Variants in UBA3 observed in about 807,000 individuals in gnomAD.
UBA3 encodes NEDD8-activating enzyme E1 catalytic subunit.
In UBA3, 26 loss-of-function variants were observed where a neutral mutation model predicts 73.5. That is an observed-to-expected ratio of 0.35 (90% CI 0.26 to 0.49). The LOEUF (loss-of-function observed/expected upper bound fraction) is 0.49, where lower values mean the gene tolerates loss of function less well. Among genes scored for constraint, UBA3 ranks in the 20% least tolerant of loss-of-function variants. The pLI, the probability that UBA3 is intolerant of heterozygous loss-of-function variation, is 0.98. For missense variants in UBA3, 495 were observed against 555.6 expected (o/e 0.89, Z 1.10); for synonymous variants, 217 against 191.2 (o/e 1.13, Z -1.11).
chr3:69,076,703 T>C (rs541454635), intron 3 of UBA3, among the ~76,000 whole-genome samples: 1 of 152,024 alleles, frequency 6.6e-6, no homozygotes, highest in East Asian at 1.9e-4. Context: ...CCTGAGTAGC[T>C]GAAACCAAAG....
Position 69,055,525 on chromosome 3 carries a change from T to G in UBA3, c.1304A>C (p.Glu435Ala). 1 of 1,579,246 alleles carries G rather than the reference T, an allele frequency of 6.3e-7. No homozygotes were observed. Among genetic ancestry groups the G allele is most frequent in the Non-Finnish European group, 8.5e-7 (1 of 1,170,146 alleles). Residue 435 changes from glutamate (E) to alanine (A), a missense_variant and splice_region_variant, in exon 18 of 18, where the codon GAA becomes GCA. By Grantham distance (107) the Glu-to-Ala change is moderately radical (BLOSUM62 -1). Coordinates refer to ENST00000361055, the MANE Select transcript of UBA3 (RefSeq NM_003968.4). ...TTCTTGTCCATCAACAAGCCCCAAT[T>G]CTAAAACAGAAAAAATATTATTAAT... ...TRPNLSKTLK[E>A]LGLVDGQELA...
chr3:69,061,970 G>T (rs1281180030), intron 10 of UBA3, 43 bp from the exon 11 acceptor site: 4 of 1,448,486 alleles, frequency 2.8e-6, no homozygotes, highest in South Asian at 1.2e-5. Context: ...AGAGAAGACA[G>T]GAATACGTAA....
Position 69,061,762 on chromosome 3 carries a change from C to T in UBA3, c.910+52G>A, listed in dbSNP as rs937397169. ...TTATCGATTATTCTCCTGAAAGCAT[C>T]CCAGCCCTAAGTCATCCCAACATCA... On this transcript the variant is annotated intron_variant, in intron 11 of 17. Coordinates refer to ENST00000361055, the MANE Select transcript of UBA3 (RefSeq NM_003968.4). The T allele has an allele frequency of 3.1e-4, 380 of 1,224,052 alleles. No homozygotes were observed. The Middle Eastern group carries it at 3.3e-3, about 11-fold the overall frequency. The allele number at this position is 1,224,052 out of a possible 1,614,324, so 75.8% of individuals were successfully genotyped here. A position where few individuals can be genotyped will look rare whatever the true frequency, so the allele number is the denominator to read the frequency against.
At chr3:69,063,260 A>G (rs1371037994) in intron 8 of UBA3, 123 bp from the exon 9 acceptor site, 1 of 1,337,452 alleles carries the variant, frequency 7.5e-7, no homozygotes, top group Non-Finnish European at 1.0e-6. Context: ...AAATCAAGGG[A>G]TTATAATAAC....
At chr3:69,078,079 T>C (rs1297547050) in intron 2 of UBA3, among the ~76,000 whole-genome samples, 161 bp from the exon 3 acceptor site, 1 of 152,270 alleles carries the variant, frequency 6.6e-6, no homozygotes, top group African/African-American at 2.4e-5. Flanking sequence ...AAATTTTTTC[T>C]TGCCTATTAT....
intron 2 of UBA3, among the ~76,000 whole-genome samples, chr3:69,078,323 A>G (rs1429846242): frequency 6.6e-6 from 1 of 152,222 alleles, no homozygotes; most frequent in Non-Finnish European, 1.5e-5. Flanking sequence ...GAGATACAAC[A>G]GAGAAAAAAA....
At chr3:69,063,755 G>A (rs1222862380) in intron 7 of UBA3, among the ~76,000 whole-genome samples, 2 of 151,708 alleles carry the variant, frequency 1.3e-5, no homozygotes, top group Non-Finnish European at 2.9e-5. Context: ...AGCACTTGCA[G>A]AAAACAATTT....
intron 4 of UBA3, among the ~76,000 whole-genome samples, chr3:69,072,683 C>T (rs1169977322): frequency 6.6e-6 from 1 of 152,210 alleles, no homozygotes; most frequent in Non-Finnish European, 1.5e-5. Flanking sequence ...TTCTGGTGAT[C>T]TCAGACCATC....
intron 9 of UBA3, 51 bp downstream of exon 9, chr3:69,062,931 T>C (rs2092034087): frequency 1.3e-6 from 2 of 1,598,930 alleles, no homozygotes; most frequent in Admixed American, 1.7e-5. Context: ...AATTAATCCC[T>C]AATTCCATGC....
At chr3:69,056,758 A>T (rs1476306328) in intron 13 of UBA3, 21 bp downstream of exon 13, 1 of 1,612,352 alleles carries the variant, frequency 6.2e-7, no homozygotes. Context: ...TTACATGCAT[A>T]TTAAAAATGA....
intron 2 of UBA3, among the ~76,000 whole-genome samples, chr3:69,078,919 C>A (rs1267858070): frequency 6.6e-6 from 1 of 152,184 alleles, no homozygotes; most frequent in Non-Finnish European, 1.5e-5. Flanking sequence ...GACTCCTCTA[C>A]AAAATTCATC....
At chr3:69,056,581 T>C (rs375580256) in intron 14 of UBA3, 31 bp downstream of exon 14, 30 of 1,535,280 alleles carry the variant, frequency 2.0e-5, no homozygotes, top group Middle Eastern at 1.7e-4. Context: ...AAAATATGCA[T>C]GATCAAAAAT....
intron 8 of UBA3, 142 bp downstream of exon 8, chr3:69,063,297 T>A: frequency 8.1e-7 from 1 of 1,241,594 alleles, no homozygotes; most frequent in South Asian, 1.4e-5. Context: ...TGAAAACCAA[T>A]GACTGGCAAT....
chr3:69,070,495 G>C (rs1484457664), intron 5 of UBA3, among the ~76,000 whole-genome samples: 1 of 151,358 alleles, frequency 6.6e-6, no homozygotes, highest in African/African-American at 2.4e-5. Context: ...CCTAAATAGA[G>C]AGAGAAAAAA....
intron 4 of UBA3, among the ~76,000 whole-genome samples, chr3:69,074,294 A>T (rs1470549367): frequency 6.6e-6 from 1 of 152,168 alleles, no homozygotes; most frequent in Non-Finnish European, 1.5e-5. Flanking sequence ...CTGCTAGAGT[A>T]TTTATGTTTG....
intron 11 of UBA3, among the ~76,000 whole-genome samples, chr3:69,060,720 G>A (rs2092014471): frequency 6.6e-6 from 1 of 151,986 alleles, no homozygotes; most frequent in Non-Finnish European, 1.5e-5. Flanking sequence ...TTGGAGGTGA[G>A]GCCTAGTGGG....
Position 69,056,875 on chromosome 3 carries a change from C to A in UBA3, c.965-60G>T. ...AATGGAAATTAGGCATGTTAAAAGT[C>A]AGTTATAAATCAGAACAGATAAATT... On this transcript the variant is annotated intron_variant, in intron 12 of 17. Coordinates refer to ENST00000361055, the MANE Select transcript of UBA3 (RefSeq NM_003968.4). 3.2e-6 allele frequency: 5 copies of A among 1,551,758 alleles called. No homozygotes were observed. In the South Asian group the frequency reaches 5.9e-5, roughly 18 times the overall value.
rs748227430 is a variant in UBA3, at chr3:69,055,897, G to T, written c.1257C>A (p.Thr419=). Residue 419 remains threonine (T), a synonymous_variant, in exon 17 of 18, where the codon ACC becomes ACA. Transcript: ENST00000361055. ...KNRTLYLQSV[T]SIEERTRPNL... is the part of the protein sequence containing the mutation. ...TTGGCCTTGTTCGTTCTTCAATAGAGGTTACCGACTAGAAAACAAAATTAC... is the reference window on the plus strand; with the variant it reads ...TTGGCCTTGTTCGTTCTTCAATAGATGTTACCGACTAGAAAACAAAATTAC... The T allele has an allele frequency of 1.2e-6, 2 of 1,612,248 alleles. No homozygotes were observed. The highest frequency in any genetic ancestry group is 2.2e-5 in the South Asian group (2 of 90,816).
intron 6 of UBA3, among the ~76,000 whole-genome samples, chr3:69,064,403 A>C (rs2092049856): frequency 1.3e-5 from 2 of 152,164 alleles, no homozygotes; most frequent in Non-Finnish European, 2.9e-5. Context: ...TTTTTATATA[A>C]AACCATAAGC....
Sources: gnomAD v4.1 joint callset for allele counts (sites outside exome capture counted in the v4.1 genomes callset) on GRCh38, gnomAD v4.1.1 for gene constraint, MANE v1.5 for transcripts, NCBI Gene and HGNC (gene_info 2026-07-23, HGNC 2026-07-21) for gene names.